STPG2: variants seen among roughly 807,000 people sequenced by gnomAD.
STPG2 encodes sperm-tail PG-rich repeat-containing protein 2.
Under a neutral mutation model 54.2 loss-of-function variants are expected in STPG2, and 56 were observed. The ratio of observed to expected loss-of-function variants is 1.03; its 90% confidence interval spans 0.83 to 1.29. The LOEUF is 1.29. Among genes scored for constraint, STPG2 ranks in the 50% most tolerant of loss-of-function variants. The pLI, the probability that STPG2 is intolerant of heterozygous loss-of-function variation, is 0.00. For missense variants in STPG2, 596 were observed against 544.9 expected (o/e 1.09, Z -0.93); for synonymous variants, 200 against 181.8 (o/e 1.10, Z -0.81).
intron 5 of STPG2, among the ~76,000 whole-genome samples, chr4:98,042,254 A>G (rs1004426165): frequency 7.3e-5 from 11 of 151,324 alleles, no homozygotes; most frequent in Non-Finnish European, 1.5e-4. Context: ...TGGTTTATCA[A>G]TTTTGTCTTT....
chr4:98,006,521 T>C (rs992169856), intron 5 of STPG2, among the ~76,000 whole-genome samples: 7 of 152,180 alleles, frequency 4.6e-5, no homozygotes, highest in African/African-American at 1.7e-4. Context: ...TTTAGCAACC[T>C]AGCAGCAGCA....
At chr4:97,484,900 T>C (rs1350946909) in intron 4 of STPG2, among the ~76,000 whole-genome samples, 2 of 151,894 alleles carry the variant, frequency 1.3e-5, no homozygotes, top group Non-Finnish European at 2.9e-5. Context: ...TAGGGACAGT[T>C]TGATATACAC....
At chr4:97,638,195 C>G (rs1721627856) in intron 10 of STPG2, among the ~76,000 whole-genome samples, 1 of 152,100 alleles carries the variant, frequency 6.6e-6, no homozygotes, top group South Asian at 2.1e-4. Context: ...CACTGCATAT[C>G]TACAACTATC....
At chr4:98,078,613 A>G (rs1397799935) in intron 5 of STPG2, among the ~76,000 whole-genome samples, 2 of 152,064 alleles carry the variant, frequency 1.3e-5, no homozygotes, top group Non-Finnish European at 2.9e-5. Context: ...AGGTGTGCAA[A>G]GAGTGCAAAG....
rs575590903 is a variant in STPG2 at position 97,904,854 on chromosome 4, T to A, written c.1044+39043A>T. 2.0e-5 allele frequency among the ~76,000 whole-genome samples: 3 copies of A among 152,182 alleles called. No individual in the cohort carries two copies. In the South Asian group the frequency reaches 6.2e-4, roughly 32 times the overall value. On this transcript the variant is annotated intron_variant, in intron 8 of 10. Transcript: ENST00000295268. ...ATGCAATCAACTGGAAGAAAGGGTA[T>A]CAGCGATGGAAGATGAAATGAATGA...
intron 8 of STPG2, among the ~76,000 whole-genome samples, chr4:97,844,452 A>AT (rs1728889639): frequency 2.0e-5 from 3 of 152,024 alleles, no homozygotes; most frequent in African/African-American, 7.2e-5. Flanking sequence ...CTAAATATAG[A>AT]TTTTTTTGCT....
intron 5 of STPG2, among the ~76,000 whole-genome samples, chr4:98,071,622 T>G (rs183570521): frequency 1.3e-5 from 2 of 151,990 alleles, no homozygotes; most frequent in Non-Finnish European, 2.9e-5. Flanking sequence ...TCAGAGTGAA[T>G]AGACAACCTA....
At chr4:97,999,276 TG>T (rs1278576504) in intron 5 of STPG2, among the ~76,000 whole-genome samples, 3 of 152,222 alleles carry the variant, frequency 2.0e-5, no homozygotes, top group Non-Finnish European at 4.4e-5. Context: ...TGCAAGTGGT[TG>T]GGACAGATAG....
At chr4:98,139,374 G>A (rs1740218180) in intron 1 of STPG2, among the ~76,000 whole-genome samples, 1 of 152,180 alleles carries the variant, frequency 6.6e-6, no homozygotes, top group Non-Finnish European at 1.5e-5. Context: ...AAGAGTATCT[G>A]TATCTAAGGC....
At chr4:98,132,441 G>A (rs1374666051) in intron 2 of STPG2, among the ~76,000 whole-genome samples, 4 of 151,616 alleles carry the variant, frequency 2.6e-5, no homozygotes, top group South Asian at 4.1e-4. Flanking sequence ...AAATATAAAC[G>A]TACTGACTGA....
At chr4:98,023,627 CA>C (rs1322889052) in intron 5 of STPG2, among the ~76,000 whole-genome samples, 2 of 152,204 alleles carry the variant, frequency 1.3e-5, no homozygotes, top group Non-Finnish European at 2.9e-5. Flanking sequence ...GCCCTGCCCC[CA>C]GAGGTGGAGC....
chr4:97,894,420 C>G (rs1391535213), intron 8 of STPG2, among the ~76,000 whole-genome samples: 2 of 151,954 alleles, frequency 1.3e-5, no homozygotes, highest in African/African-American at 4.8e-5. Context: ...GCAACTGCTT[C>G]TGCCTCCTCG....
intron 10 of STPG2, among the ~76,000 whole-genome samples, chr4:97,648,409 G>A (rs1721974627): frequency 6.6e-6 from 1 of 152,096 alleles, no homozygotes; most frequent in Non-Finnish European, 1.5e-5. Context: ...ATAAGTGAAC[G>A]AATAAATGTA....
At position 97,514,562 on chromosome 4, in the gene STPG2, T is replaced by C. The variant is rs1175291232; in HGVS notation, c.462+198137A>G. ...TAATAAAAGTATTTTTCATAAAGCA[T>C]ATGATTTACTATGACTTAAATGAAG... On this transcript the variant is annotated intron_variant, in intron 4 of 4. Transcript: ENST00000522676. Among the ~76,000 whole-genome samples, 3 of 152,144 alleles carry C rather than the reference T, an allele frequency of 2.0e-5. 1 individual carries two copies. The highest frequency in any genetic ancestry group is 2.9e-5 in the Non-Finnish European group (2 of 68,014).
At chr4:97,865,481 C>T (rs1349293826) in intron 8 of STPG2, among the ~76,000 whole-genome samples, 1 of 152,186 alleles carries the variant, frequency 6.6e-6, no homozygotes, top group Non-Finnish European at 1.5e-5. Context: ...CACTTTTACA[C>T]TGTTGGTGGG....
At chr4:97,797,244 G>C (rs908861995) in intron 9 of STPG2, among the ~76,000 whole-genome samples, 7 of 152,196 alleles carry the variant, frequency 4.6e-5, no homozygotes, top group African/African-American at 1.7e-4. Flanking sequence ...AGTGGTGAGA[G>C]AGGGCATCCC....
intron 10 of STPG2, among the ~76,000 whole-genome samples, chr4:97,657,273 A>C (rs1016493761): frequency 8.5e-5 from 13 of 152,146 alleles, no homozygotes; most frequent in African/African-American, 2.9e-4. Flanking sequence ...AATTATGTAT[A>C]TCTTTATTTT....
intron 5 of STPG2, among the ~76,000 whole-genome samples, chr4:98,031,236 T>C (rs1245533576): frequency 6.6e-6 from 1 of 152,198 alleles, no homozygotes; most frequent in Non-Finnish European, 1.5e-5. Flanking sequence ...TCTCTAACTT[T>C]ATATAAAAAT....
At chr4:97,485,412 C>G (rs1578335349) in intron 4 of STPG2, among the ~76,000 whole-genome samples, 1 of 151,754 alleles carries the variant, frequency 6.6e-6, no homozygotes, top group South Asian at 2.1e-4. Context: ...TATACACCAA[C>G]AGCGGCCAAG....
Sources: gnomAD v4.1 joint callset for allele counts (sites outside exome capture counted in the v4.1 genomes callset) on GRCh38, gnomAD v4.1.1 for gene constraint, MANE v1.5 for transcripts, NCBI Gene and HGNC (gene_info 2026-07-23, HGNC 2026-07-21) for gene names.